Variants in SULT1C2 observed in about 807,000 individuals in gnomAD.
SULT1C2 encodes the protein sulfotransferase 1C2.
SULT1C2 carries 27 observed loss-of-function variants against 36.0 expected under a neutral mutation model. The ratio of observed to expected loss-of-function variants is 0.75; its 90% CI spans 0.55 to 1.03. The LOEUF (loss-of-function observed/expected upper bound fraction) is 1.03. Ranked by LOEUF, SULT1C2 falls within the 50% of genes least tolerant of loss-of-function variation. The pLI is 0.00. For synonymous variants in SULT1C2, 121 were observed against 116.0 expected (o/e 1.04, Z -0.27); for missense variants, 395 against 359.2 (o/e 1.10, Z -0.80).
intron 3 of SULT1C2, chr2:108,298,798 T>G: frequency 4.8e-6 from 1 of 207,454 alleles, no homozygotes; most frequent in Non-Finnish European, 1.0e-5. Flanking sequence ...TCATAGGGCT[T>G]TTCCCTCACT....
Position 108,300,928 on chromosome 2 carries a change from A to G in SULT1C2, c.368A>G (p.Asn123Ser). The change falls in exon 4 of 8, where the codon AAC (asparagine) becomes AGC (serine). Residue 123 changes from asparagine (N) to serine (S), a missense_variant. Transcript: ENST00000251481. The stretch of plus-strand genomic sequence containing the variant: ...CTGCCACCGTCTTTCTGGGAAAACA[A>G]CTGCAAGGTAAGATACCAACAGCTC... ...QLLPPSFWEN[N>S]CKFLYVARNA... The G allele has an allele frequency of 1.2e-6, 2 of 1,614,144 alleles. No individual in the cohort carries two copies. The highest frequency in any genetic ancestry group is 1.7e-6 in the Non-Finnish European group (2 of 1,180,018).
At chr2:108,289,522 A>C (rs1455419251) in intron 1 of SULT1C2, among the ~76,000 whole-genome samples, 1 of 152,222 alleles carries the variant, frequency 6.6e-6, no homozygotes, top group Non-Finnish European at 1.5e-5. Flanking sequence ...TAGGACGTGG[A>C]GTAAGACCTA....
chr2:108,307,660 AGTT>A (rs908174087), intron 7 of SULT1C2, among the ~76,000 whole-genome samples: 20 of 152,176 alleles, frequency 1.3e-4, no homozygotes, highest in African/African-American at 4.8e-4. Flanking sequence ...AATTAGTTTA[AGTT>A]GTTGTTTGGT....
intron 3 of SULT1C2, among the ~76,000 whole-genome samples, chr2:108,296,881 T>C (rs928631687): frequency 1.3e-5 from 2 of 151,874 alleles, no homozygotes; most frequent in African/African-American, 4.8e-5. Flanking sequence ...CATTCTGGAG[T>C]GGTCAGACAC....
intron 7 of SULT1C2, among the ~76,000 whole-genome samples, chr2:108,307,494 T>C (rs1677054523): frequency 6.6e-6 from 1 of 152,202 alleles, no homozygotes; most frequent in Non-Finnish European, 1.5e-5. Flanking sequence ...CCCTTAATGA[T>C]AGACACTATA....
chr2:108,292,661 T>C (rs1194176620), intron 1 of SULT1C2, among the ~76,000 whole-genome samples: 1 of 152,172 alleles, frequency 6.6e-6, no homozygotes, highest in African/African-American at 2.4e-5. Context: ...CTGGAACCCT[T>C]GTGCACTGCT....
rs112754335 is a variant in SULT1C2 at position 108,289,892 on chromosome 2, C to T, written c.-22+822C>T. Among the ~76,000 whole-genome samples, 1,063 of 152,294 alleles carry T rather than the reference C, an allele frequency of 7.0e-3. 10 individuals are homozygous for T. Among genetic ancestry groups the T allele is most frequent in the African/African-American group, 0.024 (980 of 41,554 alleles). On this transcript the variant is annotated intron_variant, in intron 1 of 7. Transcript: ENST00000251481. ...AGGTTCTATCACTCCCCGTGCAGGC[C>T]TCCAACAAGAGCAATACAGTGGGAT... is the stretch of plus-strand genomic sequence containing the variant.
At chr2:108,300,735 G>T in intron 3 of SULT1C2, 103 bp from the exon 4 acceptor site, 1 of 1,497,306 alleles carries the variant, frequency 6.7e-7, no homozygotes, top group Non-Finnish European at 8.9e-7. Flanking sequence ...GAGACTAGCA[G>T]AAAGACAGGT....
At position 108,305,484 on chromosome 2, in the gene SULT1C2, A is replaced by G. The variant is rs1677000252; in HGVS notation, c.667A>G (p.Lys223Glu). 1.9e-6 allele frequency: 3 copies of G among 1,614,114 alleles called. No homozygotes were observed. ...GAAGGTGGATGAAACAGTGCTAGAT[A>G]AAATTGTCCAGGAGACGTCATTTGA... ...GKKVDETVLD[K>E]IVQETSFEKM... Residue 223 changes from lysine to glutamate, a missense_variant, in exon 7 of 8, where the codon AAA (lysine) becomes GAA (glutamate). Transcript: ENST00000251481.
At position 108,294,357 on chromosome 2, in the gene SULT1C2, G is replaced by A; in HGVS notation, c.277+3G>A. 2 of 1,601,970 alleles carry A rather than the reference G, an allele frequency of 1.2e-6. No individual in the cohort carries two copies. Among genetic ancestry groups the A allele is most frequent in the Non-Finnish European group, 1.7e-6 (2 of 1,174,070 alleles). ...GGCTCGGCCACCCCAACCTTCTGGT[G>A]AGAGCACCTCCCTCTTTCTCTCTTC... is the stretch of plus-strand genomic sequence containing the variant. On this transcript the variant is annotated splice_donor_region_variant and intron_variant, in intron 3 of 7. Coordinates refer to ENST00000251481, the MANE Select transcript of SULT1C2 (RefSeq NM_001056.4).
chr2:108,292,865 C>A (rs887471172), intron 1 of SULT1C2, among the ~76,000 whole-genome samples: 1 of 152,146 alleles, frequency 6.6e-6, no homozygotes, highest in Non-Finnish European at 1.5e-5. Context: ...CCAAAAGTTT[C>A]CATCAATAGA....
intron 3 of SULT1C2, 138 bp from the exon 4 acceptor site, chr2:108,300,700 T>C (rs1052630791): frequency 2.2e-6 from 3 of 1,374,518 alleles, no homozygotes; most frequent in Non-Finnish European, 1.9e-6. Context: ...AATAATCCCA[T>C]TGTAAAATCC....
chr2:108,290,119 A>G (rs1429937592), intron 1 of SULT1C2, among the ~76,000 whole-genome samples: 1 of 152,184 alleles, frequency 6.6e-6, no homozygotes, highest in Admixed American at 6.5e-5. Context: ...CTAAGCTCAC[A>G]TGTACACCTG....
intron 3 of SULT1C2, among the ~76,000 whole-genome samples, chr2:108,297,711 G>A (rs530481930): frequency 6.0e-4 from 92 of 152,142 alleles, no homozygotes; most frequent in African/African-American, 2.0e-3. Context: ...GCGAGGGTGT[G>A]GGGGGGCAGA....
chr2:108,304,559 T>C lies in SULT1C2; in HGVS notation c.376-15T>C, dbSNP rs1374180346. 1 of 1,590,564 alleles carries C rather than the reference T, an allele frequency of 6.3e-7. No homozygotes were observed. On this transcript the variant is annotated splice_polypyrimidine_tract_variant and intron_variant, in intron 4 of 7. Transcript: ENST00000251481. ...TTTATACCATCTTTTACCCACCTCTTTTCTTACCCCAAAGTTCCTTTATGT... is the reference window on the plus strand; with the variant it reads ...TTTATACCATCTTTTACCCACCTCTCTTCTTACCCCAAAGTTCCTTTATGT...
At position 108,294,297 on chromosome 2, in the gene SULT1C2, G is replaced by A. The variant is rs138656460; in HGVS notation, c.220G>A (p.Ala74Thr). The A allele has an allele frequency of 1.9e-6, 3 of 1,613,984 alleles. No individual in the cohort carries two copies. The highest frequency in any genetic ancestry group is 2.7e-5 in the African/African-American group (2 of 74,906). The change falls in exon 3 of 8, where the codon GCC becomes ACC. Residue 74 changes from alanine (A) to threonine (T), a missense_variant. Ala to Thr is a moderately conservative substitution (Grantham distance 58). Coordinates refer to ENST00000251481, the MANE Select transcript of SULT1C2 (RefSeq NM_001056.4). Reference protein sequence around the residue: ...QNGDVEKCQRAIIQHRHPFIE... With the variant: ...QNGDVEKCQRTIIQHRHPFIE... ...TGGGGACGTGGAGAAGTGCCAGCGAGCCATCATCCAACACCGCCATCCTTT... is the reference window on the plus strand; with the variant it reads ...TGGGGACGTGGAGAAGTGCCAGCGAACCATCATCCAACACCGCCATCCTTT...
At chr2:108,308,322 G>A (rs1677072407) in intron 7 of SULT1C2, 30 bp from the exon 8 acceptor site, 2 of 1,580,536 alleles carry the variant, frequency 1.3e-6, no homozygotes, top group Non-Finnish European at 1.7e-6. Context: ...CAATCAGAGT[G>A]ACACTCCTGT....
intron 3 of SULT1C2, among the ~76,000 whole-genome samples, chr2:108,298,365 C>A (rs192151357): frequency 7.9e-5 from 12 of 152,220 alleles, no homozygotes; most frequent in African/African-American, 2.6e-4. Context: ...TTTCAACTTT[C>A]TCTTTTATTC....
In SULT1C2 at chr2:108,305,222, G is replaced by A. The variant is rs756399703; in HGVS notation, c.553G>A (p.Asp185Asn). 11 of 1,614,058 alleles carry A rather than the reference G, an allele frequency of 6.8e-6. No homozygotes were observed. The highest frequency in any genetic ancestry group is 9.3e-6 in the Non-Finnish European group (11 of 1,180,034). The change falls in exon 6 of 8, where the codon GAC (aspartate) becomes AAC (asparagine). Residue 185 changes from aspartate (D) to asparagine (N), a missense_variant. Physicochemically the swap from Asp to Asn is conservative, Grantham distance 23. Coordinates refer to ENST00000251481, the MANE Select transcript of SULT1C2 (RefSeq NM_001056.4). ...CGTGAAAGGATGGTGGGAGATGAAA[G>A]ACAGACACCAGATTCTCTTCCTCTT... ...DHVKGWWEMK[D>N]RHQILFLFYE...
Sources: allele counts gnomAD v4.1 joint callset (sites outside exome capture counted in the v4.1 genomes callset), GRCh38; gene constraint gnomAD v4.1.1; transcripts MANE v1.5; gene names NCBI Gene and HGNC (gene_info 2026-07-23, HGNC 2026-07-21).